SLCO1A2: variants seen among roughly 807,000 people sequenced by gnomAD.
SLCO1A2 encodes the protein OATP-1.
In SLCO1A2, 67 loss-of-function variants were observed where a neutral mutation model predicts 69.0. The ratio of observed to expected loss-of-function variants is 0.97; its 90% CI spans 0.80 to 1.19. SLCO1A2 has a LOEUF of 1.19. Among genes scored for constraint, SLCO1A2 ranks in the 50% most tolerant of loss-of-function variants. The pLI is 0.00. For missense variants in SLCO1A2, 787 were observed against 793.7 expected (o/e 0.99, Z 0.10); for synonymous variants, 260 against 265.9 (o/e 0.98, Z 0.22).
chr12:21,394,555 G>GCACACACA (rs35166807), intron 1 of SLCO1A2, among the ~76,000 whole-genome samples: 4,266 of 138,946 alleles, frequency 0.031, 99 homozygotes, highest in Non-Finnish European at 0.045. Context: ...AATAACACAC[G>GCACACACA]CACACACACA....
intron 1 of SLCO1A2, chr12:21,378,403 C>T: frequency 6.2e-7 from 1 of 1,613,730 alleles, no homozygotes; most frequent in Non-Finnish European, 8.5e-7. Flanking sequence ...AAAGAGAGAG[C>T]CACTGAATTA....
rs1942339472 is a variant in SLCO1A2 at position 21,268,852 on chromosome 12, T to C, written c.*696A>G. ...CACTTGTTTGTAAGAAAAACTTTAG[T>C]CACTGGATTTGAATTACTGAAAAAA... On this transcript the variant is annotated 3_prime_UTR_variant, in exon 15 of 15. Coordinates refer to ENST00000683939, the MANE Select transcript of SLCO1A2 (RefSeq NM_001386879.1). 1 of 152,032 alleles carries C rather than the reference T, an allele frequency of 6.6e-6. No individual in the cohort carries two copies. Among genetic ancestry groups the C allele is most frequent in the Non-Finnish European group, 1.5e-5 (1 of 67,938 alleles). 9.4% of individuals were successfully genotyped at this position (152,032 alleles called of 1,614,324 possible). A position where few individuals can be genotyped will look rare whatever the true frequency, so the allele number is the denominator to read the frequency against.
At chr12:21,295,223 T>A (rs977288177) in intron 10 of SLCO1A2, 9 of 157,070 alleles carry the variant, frequency 5.7e-5, no homozygotes, top group African/African-American at 2.2e-4. Flanking sequence ...GACTGTATAA[T>A]CAACTCTTAG....
intron 4 of SLCO1A2, among the ~76,000 whole-genome samples, chr12:21,309,339 G>A (rs1171441992): frequency 6.6e-6 from 1 of 152,120 alleles, no homozygotes; most frequent in Non-Finnish European, 1.5e-5. Context: ...CAGATTGAAG[G>A]CTCCTGGCAC....
intron 2 of SLCO1A2, 83 bp from the exon 3 acceptor site, chr12:21,319,006 A>G (rs886530137): frequency 3.9e-6 from 4 of 1,019,664 alleles, no homozygotes; most frequent in Middle Eastern, 3.2e-4. Flanking sequence ...GCCTTCCACC[A>G]TAAGACTGAT....
chr12:21,398,297 A>G (rs1456981698), upstream of SLCO1A2, among the ~76,000 whole-genome samples: 1 of 151,034 alleles, frequency 6.6e-6, no homozygotes, highest in Non-Finnish European at 1.5e-5. Flanking sequence ...ATTCCTGGAC[A>G]CATACACTCT....
chr12:21,305,981 G>A (rs1225147396), intron 5 of SLCO1A2, among the ~76,000 whole-genome samples: 2 of 152,176 alleles, frequency 1.3e-5, no homozygotes, highest in Admixed American at 1.3e-4. Flanking sequence ...GACAGAAGGG[G>A]CAGAAGCCAG....
intron 14 of SLCO1A2, among the ~76,000 whole-genome samples, chr12:21,270,561 A>T (rs16923597): frequency 2.6e-5 from 4 of 151,614 alleles, no homozygotes; most frequent in South Asian, 2.1e-4. Flanking sequence ...CATAATTTAC[A>T]AATGAATCAT....
At chr12:21,408,951 T>G (rs1941866203) in intron 1 of SLCO1A2, among the ~76,000 whole-genome samples, 1 of 152,176 alleles carries the variant, frequency 6.6e-6, no homozygotes, top group African/African-American at 2.4e-5. Context: ...ACTTTCAAAT[T>G]GTGCCAAACT....
intron 2 of SLCO1A2, among the ~76,000 whole-genome samples, chr12:21,360,535 A>G (rs1938757739): frequency 6.6e-6 from 1 of 152,342 alleles, no homozygotes; most frequent in Admixed American, 6.5e-5. Context: ...TACCAGGTTC[A>G]TCTCACTGGG....
At chr12:21,288,581 A>T (rs931327198) in intron 12 of SLCO1A2, among the ~76,000 whole-genome samples, 1 of 152,186 alleles carries the variant, frequency 6.6e-6, no homozygotes, top group African/African-American at 2.4e-5. Flanking sequence ...GAAAGAATGA[A>T]TTAAACCTAC....
chr12:21,417,062 T>C (rs1431749124), intron 1 of SLCO1A2, among the ~76,000 whole-genome samples: 2 of 152,154 alleles, frequency 1.3e-5, no homozygotes, highest in Admixed American at 1.3e-4. Flanking sequence ...ATGCAGTAAG[T>C]AGCACACAGT....
At chr12:21,389,249 G>A (rs1229514121) in intron 1 of SLCO1A2, among the ~76,000 whole-genome samples, 1 of 152,062 alleles carries the variant, frequency 6.6e-6, no homozygotes, top group African/African-American at 2.4e-5. Flanking sequence ...CAGGTACATT[G>A]TACTATATGT....
chr12:21,406,170 CTGTG>C (rs1396781531), intron 1 of SLCO1A2, among the ~76,000 whole-genome samples: 1 of 151,246 alleles, frequency 6.6e-6, no homozygotes, highest in Non-Finnish European at 1.5e-5. Context: ...GTGTGTGTGT[CTGTG>C]TGTCTGTGTG....
chr12:21,401,294 A>T lies in SLCO1A2; in HGVS notation c.-312+16588T>A, dbSNP rs1040171929. Among the ~76,000 whole-genome samples the T allele has an allele frequency of 1.1e-3, 166 of 151,866 alleles. 17 individuals are homozygous for T. The highest frequency in any genetic ancestry group is 3.4e-4 in the Non-Finnish European group (23 of 67,894). On this transcript the variant is annotated intron_variant, in intron 1 of 4. Coordinates refer to the SLCO1A2 transcript ENST00000413682. ...CATGATACAAAATATATAAAACCAA[A>T]GGCTTTTCTTTATGCTGGCAGTATA...
chr12:21,391,112 A>G (rs999287764), intron 1 of SLCO1A2, among the ~76,000 whole-genome samples: 5 of 152,356 alleles, frequency 3.3e-5, no homozygotes, highest in South Asian at 2.1e-4. Context: ...GTAACAACAT[A>G]TCACAGCAAA....
At chr12:21,401,372 T>C (rs1435369866) in intron 1 of SLCO1A2, among the ~76,000 whole-genome samples, 1 of 151,462 alleles carries the variant, frequency 6.6e-6, no homozygotes, top group Non-Finnish European at 1.5e-5. Flanking sequence ...AATCGAACAA[T>C]AAAGTACCCC....
chr12:21,372,071 T>C (rs2137088383), intron 2 of SLCO1A2, among the ~76,000 whole-genome samples: 1 of 151,272 alleles, frequency 6.6e-6, no homozygotes, highest in East Asian at 1.9e-4. Context: ...TTGGAGAAAA[T>C]TTTAAAAAGC....
intron 2 of SLCO1A2, among the ~76,000 whole-genome samples, chr12:21,353,210 A>G (rs1938096613): frequency 6.6e-6 from 1 of 152,178 alleles, no homozygotes; most frequent in Non-Finnish European, 1.5e-5. Flanking sequence ...ATTTTATCAT[A>G]TCTACTTAAG....
Sources: gnomAD v4.1 joint callset for allele counts (sites outside exome capture counted in the v4.1 genomes callset) on GRCh38, gnomAD v4.1.1 for gene constraint, MANE v1.5 for transcripts, NCBI Gene and HGNC (gene_info 2026-07-23, HGNC 2026-07-21) for gene names.